Variants in SCAI observed in about 807,000 individuals in gnomAD.
The protein encoded by SCAI is protein SCAI.
In SCAI, 24 loss-of-function variants were observed where a neutral mutation model predicts 92.2. The observed-to-expected ratio is 0.26, with a 90% CI of 0.19 to 0.37. The LOEUF (loss-of-function observed/expected upper bound fraction) is 0.37. Ranked by LOEUF, SCAI falls within the 10% of genes least tolerant of loss-of-function variation. SCAI has a pLI of 1.00. For missense variants in SCAI, 450 were observed against 736.2 expected, an observed-to-expected ratio of 0.61 and a Z score of 4.50; for synonymous variants, 261 against 258.6, an observed-to-expected ratio of 1.01 and a Z score of -0.09.
At chr9:125,094,871 C>T (rs1184920128) in intron 2 of SCAI, among the ~76,000 whole-genome samples, 1 of 152,144 alleles carries the variant, frequency 6.6e-6, no homozygotes, top group African/African-American at 2.4e-5. Context: ...TCCCTATCTC[C>T]AATGTCTATA....
At chr9:124,996,236 G>C (rs1832238228) in intron 13 of SCAI, among the ~76,000 whole-genome samples, 2 of 151,466 alleles carry the variant, frequency 1.3e-5, no homozygotes, top group South Asian at 2.1e-4. Flanking sequence ...GGTGGTGCTG[G>C]GGGCAGTGGG....
intron 17 of SCAI, among the ~76,000 whole-genome samples, chr9:124,956,131 G>A (rs1831312148): frequency 6.6e-6 from 1 of 151,964 alleles, no homozygotes; most frequent in African/African-American, 2.4e-5. Flanking sequence ...AATCCATAAT[G>A]AAATATTAGC....
chr9:125,105,562 ATC>A (rs1427451602), intron 2 of SCAI, among the ~76,000 whole-genome samples: 2 of 152,220 alleles, frequency 1.3e-5, no homozygotes, highest in Non-Finnish European at 2.9e-5. Context: ...CAGGTTCCAA[ATC>A]TCTATAATTC....
At chr9:125,082,758 G>A (rs988327295) in intron 2 of SCAI, among the ~76,000 whole-genome samples, 12 of 152,234 alleles carry the variant, frequency 7.9e-5, no homozygotes, top group South Asian at 4.1e-4. Flanking sequence ...CTTGCATGGG[G>A]CTTGCAGCCC....
At chr9:125,071,026 C>A (rs1833970294) in intron 2 of SCAI, among the ~76,000 whole-genome samples, 1 of 152,096 alleles carries the variant, frequency 6.6e-6, no homozygotes, top group African/African-American at 2.4e-5. Flanking sequence ...TAAGAGGAAA[C>A]CCCTTTCGCT....
At chr9:125,099,464 T>G (rs535115341) in intron 2 of SCAI, among the ~76,000 whole-genome samples, 76 of 152,268 alleles carry the variant, frequency 5.0e-4, no homozygotes, top group African/African-American at 1.6e-3. Context: ...GTATTTTTAG[T>G]AGAGACAGGG....
Position 124,988,215 on chromosome 9 carries a change from T to C in SCAI, c.1326+6719A>G, listed in dbSNP as rs118078640. The stretch of plus-strand genomic sequence containing the variant: ...ACCTAAAGATACTGGCATTAGGGAT[T>C]ACCCAACTATAAGGTCCAGCTCAGT... On this transcript the variant is annotated intron_variant, in intron 14 of 17. Transcript: ENST00000336505. Among the ~76,000 whole-genome samples the C allele has an allele frequency of 4.3e-4, 66 of 152,210 alleles. No homozygotes were observed. The East Asian group carries it at 0.011, about 25-fold the overall frequency.
intron 2 of SCAI, among the ~76,000 whole-genome samples, chr9:125,136,239 T>G (rs1835523627): frequency 6.7e-6 from 1 of 150,240 alleles, no homozygotes; most frequent in Admixed American, 6.6e-5. Context: ...GCCTCCCAAC[T>G]AGCTGGGACT....
chr9:125,093,868 C>A (rs1218526657), intron 2 of SCAI, among the ~76,000 whole-genome samples: 1 of 151,948 alleles, frequency 6.6e-6, no homozygotes, highest in Non-Finnish European at 1.5e-5. Context: ...CCGGCCGACA[C>A]CTACGTTTTT....
At chr9:125,058,265 G>A (rs2131140648) in intron 2 of SCAI, among the ~76,000 whole-genome samples, 1 of 152,182 alleles carries the variant, frequency 6.6e-6, no homozygotes, top group Middle Eastern at 3.4e-3. Context: ...TGTAATCCCA[G>A]CACTCTGGGA....
At chr9:124,969,643 T>A (rs1451943716) in intron 17 of SCAI, among the ~76,000 whole-genome samples, 1 of 152,208 alleles carries the variant, frequency 6.6e-6, no homozygotes, top group Admixed American at 6.5e-5. Context: ...GCAACAAGTG[T>A]TGGAAAGGAA....
chr9:124,961,117 C>CT (rs1230218522), intron 17 of SCAI, among the ~76,000 whole-genome samples: 1 of 146,650 alleles, frequency 6.8e-6, no homozygotes, highest in African/African-American at 2.5e-5. Context: ...GACAGAGACT[C>CT]TGTCTCAAAT....
Position 125,026,797 on chromosome 9 carries a change from A to C in SCAI, c.512+15T>G, listed in dbSNP as rs1458489924. The C allele has an allele frequency of 8.1e-7, 1 of 1,236,318 alleles. No individual in the cohort carries two copies. The highest frequency in any genetic ancestry group is 2.3e-5 in the East Asian group (1 of 42,886). The allele number at this position is 1,236,318 out of a possible 1,614,324, so 76.6% of individuals were successfully genotyped here. On this transcript the variant is annotated intron_variant, in intron 6 of 17. Transcript: ENST00000336505. ...GTTTTATCCTCATCTTTCTAAAAACATAGCAGATACATACCTGTCCTCTTT... is the reference window on the plus strand; with the variant it reads ...GTTTTATCCTCATCTTTCTAAAAACCTAGCAGATACATACCTGTCCTCTTT...
intron 15 of SCAI, chr9:124,975,426 G>T: frequency 2.2e-6 from 1 of 452,432 alleles, no homozygotes; most frequent in South Asian, 1.6e-5. Context: ...ACAGTGACAA[G>T]TACTGCTAAA....
At chr9:125,006,474 C>T (rs927876731) in intron 9 of SCAI, among the ~76,000 whole-genome samples, 3 of 151,880 alleles carry the variant, frequency 2.0e-5, no homozygotes, top group African/African-American at 4.9e-5. Context: ...TAGAAAATAA[C>T]CTAATACATT....
chr9:124,976,305 C>G (rs1248291563), intron 14 of SCAI, 119 bp from the exon 15 acceptor site: 11 of 670,210 alleles, frequency 1.6e-5, no homozygotes, highest in Non-Finnish European at 2.7e-5. Flanking sequence ...TAAATAGATG[C>G]AGAAACATCA....
At position 124,963,931 on chromosome 9, in the gene SCAI, G is replaced by A. The variant is rs1355148388; in HGVS notation, c.1674+7439C>T. Among the ~76,000 whole-genome samples the A allele has an allele frequency of 2.6e-5, 4 of 152,022 alleles. No individual in the cohort carries two copies. In the East Asian group the frequency reaches 7.7e-4, roughly 29 times the overall value. ...TGGTCTTGCTGTCTCAGGGGTGGCA[G>A]AGAGAGGAGAGGTGAAGGAGATGGA... On this transcript the variant is annotated intron_variant, in intron 17 of 17. Coordinates refer to ENST00000336505, the MANE Select transcript of SCAI (RefSeq NM_001144877.3).
At chr9:124,953,675 A>G (rs572468015) in intron 17 of SCAI, among the ~76,000 whole-genome samples, 1 of 151,200 alleles carries the variant, frequency 6.6e-6, no homozygotes, top group African/African-American at 2.4e-5. Flanking sequence ...AGCCTCCCAA[A>G]GTGTTGGGAT....
intron 17 of SCAI, among the ~76,000 whole-genome samples, chr9:124,965,751 G>C (rs1831527075): frequency 6.6e-6 from 1 of 152,062 alleles, no homozygotes. Flanking sequence ...TTGATCTATG[G>C]TACATATCAA....
Sources: gnomAD v4.1 joint callset for allele counts (sites outside exome capture counted in the v4.1 genomes callset) on GRCh38, gnomAD v4.1.1 for gene constraint, MANE v1.5 for transcripts, NCBI Gene and HGNC (gene_info 2026-07-23, HGNC 2026-07-21) for gene names.